Variants in PDE11A observed in about 807,000 individuals in gnomAD.
The protein encoded by PDE11A is dual 3',5'-cyclic-AMP and -GMP phosphodiesterase 11A.
A neutral mutation model predicts 100.5 loss-of-function variants in PDE11A; 100 were observed. That is an observed-to-expected ratio of 1.00 (90% CI 0.85 to 1.18). The LOEUF is 1.18. Among genes scored for constraint, PDE11A ranks in the 50% most tolerant of loss-of-function variants. The pLI, the probability that PDE11A is intolerant of heterozygous loss-of-function variation, is 0.00. For missense variants in PDE11A, 1,141 were observed against 1,152.6 expected (o/e 0.99, Z 0.15); for synonymous variants, 381 against 420.8 (o/e 0.91, Z 1.16).
chr2:177,714,096 C>A (rs1287783561), intron 12 of PDE11A, among the ~76,000 whole-genome samples: 1 of 138,988 alleles, frequency 7.2e-6, no homozygotes, highest in African/African-American at 2.6e-5. Flanking sequence ...CAGGTTCATG[C>A]CATTCTCCTG....
At chr2:177,882,793 C>T (rs1181925942) in intron 4 of PDE11A, among the ~76,000 whole-genome samples, 1 of 152,072 alleles carries the variant, frequency 6.6e-6, no homozygotes, top group Non-Finnish European at 1.5e-5. Flanking sequence ...TTATCAAGTG[C>T]TAGTTGGTCT....
rs1270777785 is a variant in PDE11A at position 178,072,488 on chromosome 2, T to C, written c.-51A>G. 1.9e-6 allele frequency: 3 copies of C among 1,608,418 alleles called. No individual in the cohort carries two copies. The highest frequency in any genetic ancestry group is 1.7e-5 in the Admixed American group (1 of 59,874). On this transcript the variant is annotated 5_prime_UTR_variant, in exon 1 of 20. Coordinates refer to ENST00000286063, the MANE Select transcript of PDE11A (RefSeq NM_016953.4). ...TTTACACGTGAACCAAATGTTTTCC[T>C]GCCCCGAGGCCTCTAGCTGTTCCTG...
chr2:177,731,352 T>C (rs1168618894), intron 10 of PDE11A, among the ~76,000 whole-genome samples: 3 of 152,176 alleles, frequency 2.0e-5, no homozygotes, highest in Non-Finnish European at 4.4e-5. Context: ...GGCTTCTCTG[T>C]AGGGGGAATG....
intron 1 of PDE11A, among the ~76,000 whole-genome samples, chr2:178,042,389 G>A (rs767124262): frequency 3.6e-4 from 55 of 151,398 alleles, no homozygotes; most frequent in Non-Finnish European, 6.8e-4. Flanking sequence ...GAGGCTGGAA[G>A]ATGGCTTGAG....
chr2:177,890,618 C>T (rs893370219), intron 4 of PDE11A, among the ~76,000 whole-genome samples: 2 of 152,156 alleles, frequency 1.3e-5, no homozygotes, highest in African/African-American at 2.4e-5. Flanking sequence ...CATGTCTTGT[C>T]CTGGGTCCAG....
At chr2:177,967,728 T>G (rs1574313790) in intron 2 of PDE11A, among the ~76,000 whole-genome samples, 1 of 152,076 alleles carries the variant, frequency 6.6e-6, no homozygotes, top group South Asian at 2.1e-4. Context: ...TCTATATGTG[T>G]GTCAAACTAT....
intron 6 of PDE11A, among the ~76,000 whole-genome samples, chr2:177,831,537 T>C (rs994624359): frequency 6.6e-6 from 1 of 152,186 alleles, no homozygotes; most frequent in African/African-American, 2.4e-5. Flanking sequence ...AATTCCCAAA[T>C]TGGCAAGCTT....
At chr2:177,947,035 G>T (rs2085448239) in intron 2 of PDE11A, among the ~76,000 whole-genome samples, 1 of 118,502 alleles carries the variant, frequency 8.4e-6, no homozygotes, top group African/African-American at 3.2e-5. Context: ...CCCCCGCCCG[G>T]CCAGCCGCCC....
At chr2:177,942,399 T>A (rs905444109) in intron 2 of PDE11A, among the ~76,000 whole-genome samples, 9 of 95,092 alleles carry the variant, frequency 9.5e-5, no homozygotes, top group African/African-American at 2.2e-4. Flanking sequence ...CATTATTTTT[T>A]AAAATTATTT....
At chr2:178,039,960 G>T (rs770704902) in intron 1 of PDE11A, among the ~76,000 whole-genome samples, 3 of 152,008 alleles carry the variant, frequency 2.0e-5, no homozygotes, top group African/African-American at 4.8e-5. Flanking sequence ...GGGAAACAAG[G>T]GGATATTTCA....
At chr2:177,948,283 T>TG (rs1258434275) in intron 2 of PDE11A, among the ~76,000 whole-genome samples, 1 of 152,218 alleles carries the variant, frequency 6.6e-6, no homozygotes, top group African/African-American at 2.4e-5. Flanking sequence ...TTTGCATCCA[T>TG]GATTATTGCC....
chr2:177,685,637 C>T (rs901872352), intron 15 of PDE11A, among the ~76,000 whole-genome samples: 3 of 152,006 alleles, frequency 2.0e-5, no homozygotes, highest in Admixed American at 6.6e-5. Flanking sequence ...GGTTCTGAGG[C>T]GCAATCTGCC....
chr2:177,868,786 G>A (rs2084074053), intron 5 of PDE11A, among the ~76,000 whole-genome samples: 1 of 152,196 alleles, frequency 6.6e-6, no homozygotes, highest in South Asian at 2.1e-4. Context: ...CTTAGTAGAA[G>A]ATACCATTGG....
intron 2 of PDE11A, among the ~76,000 whole-genome samples, chr2:177,938,637 A>C (rs944775377): frequency 2.0e-5 from 3 of 152,010 alleles, no homozygotes. Context: ...CCTGTGGCTC[A>C]GAATTAGGTT....
At chr2:177,949,841 T>C (rs560243839) in intron 2 of PDE11A, among the ~76,000 whole-genome samples, 2 of 152,344 alleles carry the variant, frequency 1.3e-5, no homozygotes, top group East Asian at 1.9e-4. Flanking sequence ...TTTCACAGCT[T>C]TTCTACTATC....
chr2:177,953,333 T>A (rs767848215), intron 2 of PDE11A: 1 of 152,194 alleles, frequency 6.6e-6, no homozygotes, highest in African/African-American at 2.4e-5. Context: ...ATAATCTGCA[T>A]GCATTTTTCA....
At chr2:178,100,098 G>A (rs1212729447) in intron 2 of PDE11A, among the ~76,000 whole-genome samples, 2 of 152,160 alleles carry the variant, frequency 1.3e-5, no homozygotes, top group East Asian at 3.9e-4. Flanking sequence ...TCAGTCGCCA[G>A]GGGCTATTCA....
At chr2:177,853,805 T>C (rs966502127) in intron 5 of PDE11A, among the ~76,000 whole-genome samples, 1 of 142,716 alleles carries the variant, frequency 7.0e-6, no homozygotes, top group Non-Finnish European at 1.5e-5. Context: ...TATGTATATA[T>C]GTGCATATAT....
chr2:177,845,162 G>T (rs78275584), intron 5 of PDE11A, among the ~76,000 whole-genome samples: 20,059 of 149,702 alleles, frequency 0.13, 1,297 homozygotes, highest in Middle Eastern at 0.25. Flanking sequence ...CTGGCCGGGC[G>T]GGGGGCTGAC....
Sources: gnomAD v4.1 joint callset for allele counts (sites outside exome capture counted in the v4.1 genomes callset) on GRCh38, gnomAD v4.1.1 for gene constraint, MANE v1.5 for transcripts, NCBI Gene and HGNC (gene_info 2026-07-23, HGNC 2026-07-21) for gene names.